Variants in YTHDC2 observed in about 807,000 individuals in gnomAD.
YTHDC2 encodes the protein 3'-5' RNA helicase YTHDC2.
In YTHDC2, 45 loss-of-function variants were observed where a neutral mutation model predicts 174.9. That is an observed-to-expected ratio of 0.26 (90% CI 0.20 to 0.33). The LOEUF (loss-of-function observed/expected upper bound fraction) is 0.33, where lower values mean the gene tolerates loss of function less well. YTHDC2 is among the 10% of genes least tolerant of loss of function. The probability of loss-of-function intolerance (pLI) is 1.00; values close to 1 mark genes in which losing one functional copy is unlikely to be tolerated. For missense variants in YTHDC2, 1,650 were observed against 1,723.7 expected, an observed-to-expected ratio of 0.96 and a Z score of 0.76; for synonymous variants, 657 against 574.5, an observed-to-expected ratio of 1.14 and a Z score of -2.05.
chr5:113,594,128 C>G lies in YTHDC2; in HGVS notation c.*654C>G, dbSNP rs1779144650. ...ATAAAGGGCAAAGTTTCTTCCTGAT[C>G]AGATTAGATTAAGTGCTTAGTTTTA... On this transcript the variant is annotated 3_prime_UTR_variant, in exon 30 of 30. Transcript: ENST00000161863. The G allele has an allele frequency of 6.6e-6, 1 of 152,118 alleles. No individual in the cohort carries two copies. The highest frequency in any genetic ancestry group is 1.9e-4 in the East Asian group (1 of 5,198). The allele number at this position is 152,118 out of a possible 1,614,324, so 9.4% of individuals were successfully genotyped here.
chr5:113,533,491 G>A (rs1167329054), intron 5 of YTHDC2, among the ~76,000 whole-genome samples: 1 of 151,846 alleles, frequency 6.6e-6, no homozygotes, highest in Admixed American at 6.6e-5. Flanking sequence ...GGAGGTTGTG[G>A]TGAGCTGAGA....
chr5:113,521,470 C>T (rs944082975), intron 2 of YTHDC2, among the ~76,000 whole-genome samples: 7 of 152,168 alleles, frequency 4.6e-5, no homozygotes, highest in Non-Finnish European at 8.8e-5. Flanking sequence ...GTGGCTCATG[C>T]TGGTAATCCC....
chr5:113,593,345 G>C lies in YTHDC2; in HGVS notation c.4255G>C (p.Glu1419Gln). 1 of 1,612,748 alleles carries C rather than the reference G, an allele frequency of 6.2e-7. No homozygotes were observed. The highest frequency in any genetic ancestry group is 1.1e-5 in the South Asian group (1 of 90,978). Residue 1419 changes from glutamate to glutamine, a missense_variant, in exon 29 of 30, where the codon GAA (glutamate) becomes CAA (glutamine). Glu to Gln is a conservative substitution (Grantham distance 29). Coordinates refer to ENST00000161863, the MANE Select transcript of YTHDC2 (RefSeq NM_022828.5). ...LVGEQLLQLW[E>Q]RLPLGEKNTT... The stretch of plus-strand genomic sequence containing the variant: ...TGGTGAACAGTTGCTCCAGTTATGG[G>C]AACGTCTTCCCTTGGGAGAAAAAAA...
intron 7 of YTHDC2, among the ~76,000 whole-genome samples, chr5:113,537,498 C>G (rs1336605337): frequency 6.6e-6 from 1 of 150,922 alleles, no homozygotes; most frequent in Non-Finnish European, 1.5e-5. Flanking sequence ...TTACATGATG[C>G]TTAAATAGTG....
At chr5:113,553,061 C>A in intron 12 of YTHDC2, 120 bp from the exon 13 acceptor site, 1 of 969,366 alleles carries the variant, frequency 1.0e-6, no homozygotes, top group African/African-American at 1.7e-5. Flanking sequence ...CATATTATAG[C>A]TAGGACATTA....
chr5:113,585,650 T>G (rs933592745), intron 26 of YTHDC2, among the ~76,000 whole-genome samples: 1 of 151,870 alleles, frequency 6.6e-6, no homozygotes, highest in African/African-American at 2.4e-5. Context: ...GAGTTTTGCC[T>G]TTTCTAGAAT....
intron 2 of YTHDC2, among the ~76,000 whole-genome samples, chr5:113,522,147 T>TG (rs766365242): frequency 0.074 from 7,354 of 98,956 alleles, 293 homozygotes; most frequent in Non-Finnish European, 0.11. Flanking sequence ...TTTTGTTTTT[T>TG]TTTTTTTTGG....
intron 27 of YTHDC2, 90 bp from the exon 28 acceptor site, chr5:113,591,906 A>T: frequency 9.6e-7 from 1 of 1,040,934 alleles, no homozygotes; most frequent in Non-Finnish European, 1.3e-6. Context: ...TAATCTTAAA[A>T]TTTTAAAAAC....
chr5:113,533,446 G>C (rs938918559), intron 5 of YTHDC2, among the ~76,000 whole-genome samples: 10 of 151,948 alleles, frequency 6.6e-5, no homozygotes, highest in African/African-American at 2.4e-5. Context: ...CTACTCGGGA[G>C]GCTGAGGCAG....
intron 7 of YTHDC2, among the ~76,000 whole-genome samples, chr5:113,537,580 C>T (rs958531298): frequency 6.6e-6 from 1 of 150,968 alleles, no homozygotes; most frequent in Non-Finnish European, 1.5e-5. Context: ...TCCTTCCTTC[C>T]TTTCCCACTA....
At chr5:113,535,616 C>T in intron 6 of YTHDC2, 26 bp from the exon 7 acceptor site, 1 of 1,565,656 alleles carries the variant, frequency 6.4e-7, no homozygotes, top group East Asian at 2.3e-5. Flanking sequence ...TTAACTGTTC[C>T]ATGGTTTTAT....
At chr5:113,524,934 A>T in intron 2 of YTHDC2, 47 bp from the exon 3 acceptor site, 4 of 1,394,908 alleles carry the variant, frequency 2.9e-6, no homozygotes, top group Non-Finnish European at 3.9e-6. Flanking sequence ...TCATATGTGA[A>T]CAAGTTGACT....
rs140454800 is a variant in YTHDC2, at chr5:113,540,681, C to T, written c.1211-287C>T. ...AACTGCCCCCATGATCCAATCACCT[C>T]CCACCAGGTCTTTCCCTCAACACCT... On this transcript the variant is annotated intron_variant, in intron 8 of 29. Transcript: ENST00000161863. 3.3e-4 allele frequency among the ~76,000 whole-genome samples: 50 copies of T among 152,280 alleles called. No homozygotes were observed. In the East Asian group the frequency reaches 9.5e-3, roughly 29 times the overall value.
rs757417472 is a variant in YTHDC2, at chr5:113,553,935, G to A, written c.2053-7G>A. On this transcript the variant is annotated splice_region_variant and splice_polypyrimidine_tract_variant and intron_variant, in intron 15 of 29. Coordinates refer to ENST00000161863, the MANE Select transcript of YTHDC2 (RefSeq NM_022828.5). ...TTTATTAACTTTAAAGTAATATCTT[G>A]TTGCAGATTCTTTCCACCAATATTG... 2.5e-6 allele frequency: 4 copies of A among 1,581,014 alleles called. No individual in the cohort carries two copies. The highest frequency in any genetic ancestry group is 3.4e-6 in the Non-Finnish European group (4 of 1,168,786).
chr5:113,533,812 A>G (rs933975628), intron 5 of YTHDC2, among the ~76,000 whole-genome samples: 4 of 152,158 alleles, frequency 2.6e-5, no homozygotes, highest in African/African-American at 7.2e-5. Context: ...ACTCAAAGGA[A>G]ATGTTCATCA....
At chr5:113,552,219 C>A (rs1318838063) in intron 12 of YTHDC2, among the ~76,000 whole-genome samples, 4 of 151,974 alleles carry the variant, frequency 2.6e-5, no homozygotes, top group African/African-American at 7.3e-5. Context: ...ATTTAGGTGA[C>A]CAATTCAATG....
At chr5:113,544,503 T>C (rs1775717631) in intron 10 of YTHDC2, among the ~76,000 whole-genome samples, 1 of 152,180 alleles carries the variant, frequency 6.6e-6, no homozygotes. Flanking sequence ...TGTTGGAACA[T>C]GTTTAGTGAC....
chr5:113,514,037 G>T lies in YTHDC2; in HGVS notation c.142G>T (p.Ala48Ser). The T allele has an allele frequency of 6.2e-7, 1 of 1,612,010 alleles. No homozygotes were observed. Among genetic ancestry groups the T allele is most frequent in the Admixed American group, 1.7e-5 (1 of 59,734 alleles). Residue 48 changes from alanine (A) to serine (S), a missense_variant, in exon 1 of 30, where the codon GCA becomes TCA. Physicochemically the swap from Ala to Ser is moderately conservative, Grantham distance 99. Transcript: ENST00000161863. ...TCGCATTGATGAGGAGGTGAAGATC[G>T]CAGTCAATATCGCGCTGGAGCGCTT... ...DIRIDEEVKI[A>S]VNIALERFRY...
In YTHDC2 at chr5:113,513,851, G is replaced by C. The variant is rs1275690107; in HGVS notation, c.-45G>C. The stretch of plus-strand genomic sequence containing the variant: ...GGTCTTTGTCATTGGCTGTCAGCTA[G>C]CAGGCCTGGCCGCTCCCGTGCGGAG... On this transcript the variant is annotated 5_prime_UTR_variant, in exon 1 of 30. Transcript: ENST00000161863. The C allele has an allele frequency of 7.8e-6, 12 of 1,531,956 alleles. No homozygotes were observed. The highest frequency in any genetic ancestry group is 1.0e-5 in the Non-Finnish European group (12 of 1,144,592). The allele number at this position is 1,531,956 out of a possible 1,614,324, so 94.9% of individuals were successfully genotyped here. A position where few individuals can be genotyped will look rare whatever the true frequency, so the allele number is the denominator to read the frequency against.
Sources: allele counts gnomAD v4.1 joint callset (sites outside exome capture counted in the v4.1 genomes callset), GRCh38; gene constraint gnomAD v4.1.1; transcripts MANE v1.5; gene names NCBI Gene and HGNC (gene_info 2026-07-23, HGNC 2026-07-21).